The following CTDSPL2 variants were observed in gnomAD, a reference collection of about 807,000 sequenced individuals.
CTDSPL2 encodes CTD small phosphatase-like protein 2.
In CTDSPL2, 5 loss-of-function variants were observed where a neutral mutation model predicts 60.0. The ratio of observed to expected loss-of-function variants is 0.08; its 90% CI spans 0.04 to 0.18. The LOEUF (loss-of-function observed/expected upper bound fraction) is 0.18, where lower values mean the gene tolerates loss of function less well. Among genes scored for constraint, CTDSPL2 ranks in the 10% least tolerant of loss-of-function variants. The pLI is 1.00. For synonymous variants in CTDSPL2, 186 were observed against 189.3 expected (o/e 0.98, Z 0.14); for missense variants, 370 against 548.8 (o/e 0.67, Z 3.26).
intron 1 of CTDSPL2, among the ~76,000 whole-genome samples, chr15:44,432,693 C>T (rs2079884688): frequency 6.6e-6 from 1 of 152,062 alleles, no homozygotes; most frequent in Admixed American, 6.6e-5. Flanking sequence ...CATCTCAGCT[C>T]AGTGCAACCT....
intron 8 of CTDSPL2, among the ~76,000 whole-genome samples, chr15:44,506,515 C>G (rs566766763): frequency 1.5e-4 from 23 of 148,606 alleles, no homozygotes; most frequent in Admixed American, 8.8e-4. Flanking sequence ...CTTCCAGGCT[C>G]AAACCGTCTT....
intron 1 of CTDSPL2, among the ~76,000 whole-genome samples, chr15:44,431,117 T>C (rs892622672): frequency 2.6e-5 from 4 of 151,182 alleles, no homozygotes; most frequent in Admixed American, 2.6e-4. Flanking sequence ...CCACCGCATC[T>C]GGCCCACTTT....
At chr15:44,487,463 C>A (rs1192804347) in intron 4 of CTDSPL2, among the ~76,000 whole-genome samples, 1 of 151,392 alleles carries the variant, frequency 6.6e-6, no homozygotes, top group Non-Finnish European at 1.5e-5. Context: ...AGTAGGGGGT[C>A]CACGTAAAAA....
chr15:44,465,306 T>C (rs1411751016), intron 2 of CTDSPL2, among the ~76,000 whole-genome samples: 1 of 152,230 alleles, frequency 6.6e-6, no homozygotes, highest in African/African-American at 2.4e-5. Flanking sequence ...TGAATCTCTG[T>C]ATTTTTCCAA....
chr15:44,513,498 T>C (rs999156989), intron 8 of CTDSPL2, among the ~76,000 whole-genome samples: 1 of 152,146 alleles, frequency 6.6e-6, no homozygotes, highest in African/African-American at 2.4e-5. Flanking sequence ...CTATAAGTGG[T>C]CAGTTCTTAA....
chr15:44,522,141 C>A (rs568574042), intron 12 of CTDSPL2, among the ~76,000 whole-genome samples: 85 of 152,108 alleles, frequency 5.6e-4, no homozygotes, highest in African/African-American at 2.0e-3. Context: ...TCAATCTATC[C>A]TCCTGCCTCA....
chr15:44,429,510 A>G (rs760852632), intron 1 of CTDSPL2, among the ~76,000 whole-genome samples: 12 of 152,210 alleles, frequency 7.9e-5, no homozygotes, highest in Non-Finnish European at 4.4e-5. Flanking sequence ...GAGTTCTCCT[A>G]AATTGTTTAG....
intron 8 of CTDSPL2, among the ~76,000 whole-genome samples, chr15:44,511,532 G>A (rs1200184609): frequency 6.6e-6 from 1 of 152,170 alleles, no homozygotes; most frequent in Non-Finnish European, 1.5e-5. Context: ...ACTGCAGGTT[G>A]AATATCCCTA....
intron 2 of CTDSPL2, among the ~76,000 whole-genome samples, chr15:44,470,743 T>C (rs2080790669): frequency 1.3e-5 from 2 of 152,186 alleles, no homozygotes; most frequent in Admixed American, 6.6e-5. Context: ...CCACCACGCC[T>C]GGCCTACATT....
chr15:44,511,821 T>A (rs1330134272), intron 8 of CTDSPL2, among the ~76,000 whole-genome samples: 1 of 131,050 alleles, frequency 7.6e-6, no homozygotes, highest in Non-Finnish European at 1.5e-5. Flanking sequence ...TAAGCCAAGA[T>A]CATGTTACTG....
In CTDSPL2 at chr15:44,473,326, C is replaced by T. The variant is rs747968793; in HGVS notation, c.187-10898C>T. ...TTTCTTTTTTTTTGAGATGTAATCT[C>T]GCTCTATCGCCCAGGCTGGAGTGCA... On this transcript the variant is annotated intron_variant, in intron 2 of 12. Transcript: ENST00000260327. Among the ~76,000 whole-genome samples, 9 of 152,104 alleles carry T rather than the reference C, an allele frequency of 5.9e-5. No homozygotes were observed. The East Asian group carries it at 1.2e-3, about 20-fold the overall frequency.
At chr15:44,522,404 C>T (rs1379997376) in intron 12 of CTDSPL2, among the ~76,000 whole-genome samples, 1 of 152,124 alleles carries the variant, frequency 6.6e-6, no homozygotes, top group African/African-American at 2.4e-5. Context: ...GATTGAATGT[C>T]TTTACTATTT....
intron 1 of CTDSPL2, among the ~76,000 whole-genome samples, chr15:44,437,858 G>A (rs895233073): frequency 6.6e-6 from 1 of 152,144 alleles, no homozygotes; most frequent in Non-Finnish European, 1.5e-5. Context: ...ATGATACTTG[G>A]GCTGAGTTTT....
intron 2 of CTDSPL2, among the ~76,000 whole-genome samples, chr15:44,469,427 CTA>C (rs1191388255): frequency 6.6e-6 from 1 of 152,082 alleles, no homozygotes; most frequent in Non-Finnish European, 1.5e-5. Flanking sequence ...TAATTTTACA[CTA>C]TTTTTTTTTC....
At chr15:44,431,740 C>T (rs189413189) in intron 1 of CTDSPL2, among the ~76,000 whole-genome samples, 1 of 135,188 alleles carries the variant, frequency 7.4e-6, no homozygotes, top group Non-Finnish European at 1.6e-5. Context: ...TTTTTTGAGA[C>T]AGAGTTTCGC....
chr15:44,518,220 C>T (rs2081693244), intron 10 of CTDSPL2, among the ~76,000 whole-genome samples: 2 of 151,954 alleles, frequency 1.3e-5, no homozygotes, highest in Non-Finnish European at 2.9e-5. Flanking sequence ...GATTAAGACA[C>T]AAGGAAGACA....
intron 1 of CTDSPL2, among the ~76,000 whole-genome samples, chr15:44,444,996 C>T (rs2080179240): frequency 6.6e-6 from 1 of 150,862 alleles, no homozygotes; most frequent in Non-Finnish European, 1.5e-5. Context: ...TACAGGCGCA[C>T]ACCTGGCTAA....
chr15:44,524,014 C>A (rs923476553), intron 12 of CTDSPL2, 95 bp from the exon 13 acceptor site: 1 of 887,876 alleles, frequency 1.1e-6, no homozygotes, highest in Non-Finnish European at 1.8e-6. Flanking sequence ...AAAATAAAAA[C>A]TGGTATGTTT....
At chr15:44,444,302 TACAC>T (rs59993417) in intron 1 of CTDSPL2, among the ~76,000 whole-genome samples, 13,073 of 136,134 alleles carry the variant, frequency 0.096, 642 homozygotes, top group Non-Finnish European at 0.13. Context: ...GCTTTTCCCA[TACAC>T]ACACACACAC....
Sources: gnomAD v4.1 joint callset for allele counts (sites outside exome capture counted in the v4.1 genomes callset) on GRCh38, gnomAD v4.1.1 for gene constraint, MANE v1.5 for transcripts, NCBI Gene and HGNC (gene_info 2026-07-23, HGNC 2026-07-21) for gene names.